C14orf132: variants seen among roughly 807,000 people sequenced by gnomAD.
C14orf132 encodes chromosome 14 open reading frame 132.
In C14orf132, 6 loss-of-function variants were observed where a neutral mutation model predicts 5.8. The observed-to-expected ratio is 1.03, with a 90% CI of 0.57 to 2.04. The LOEUF (loss-of-function observed/expected upper bound fraction) is 2.04. Ranked by LOEUF, C14orf132 falls within the 30% of genes most tolerant of loss-of-function variation. The pLI, the probability that C14orf132 is intolerant of heterozygous loss-of-function variation, is 0.00. For missense variants in C14orf132, 125 were observed against 115.8 expected, an observed-to-expected ratio of 1.08 and a Z score of -0.37; for synonymous variants, 51 against 49.8, an observed-to-expected ratio of 1.02 and a Z score of -0.10.
intron 1 of C14orf132, among the ~76,000 whole-genome samples, chr14:96,058,779 T>G (rs1887258300): frequency 6.6e-6 from 1 of 152,188 alleles, no homozygotes. Context: ...AGGTGCCTCC[T>G]ACAGCATTGC....
chr14:96,069,256 CATATATATATATATATATATATATATAT>C (rs55648129), intron 1 of C14orf132, among the ~76,000 whole-genome samples: 43,052 of 95,632 alleles, frequency 0.45, 8,704 homozygotes, highest in Middle Eastern at 0.55. Context: ...TGTTTATGTT[CATATATATATATATATATATATATATAT>C]ATATATATAT....
rs74086068 is a variant in C14orf132 at position 96,080,644 on chromosome 14, G to A, written c.28-5867G>A. On this transcript the variant is annotated intron_variant, in intron 1 of 1. Transcript: ENST00000555004. ...TATATAACGGTCACCTCCTTAGTAG[G>A]AACAGGTGGAGGCCTAAAGGCCACC... Among the ~76,000 whole-genome samples the A allele has an allele frequency of 6.1e-3, 922 of 152,318 alleles. 6 individuals carry two copies. Among genetic ancestry groups the A allele is most frequent in the African/African-American group, 0.021 (886 of 41,558 alleles).
Position 96,081,349 on chromosome 14 carries a change from A to C in C14orf132, c.28-5162A>C, listed in dbSNP as rs181437438. On this transcript the variant is annotated intron_variant, in intron 1 of 1. Coordinates refer to ENST00000555004, the MANE Select transcript of C14orf132 (RefSeq NM_001252507.3). ...TTATTTCCTCTGTTTTTAACTGAGA[A>C]ACCTCTGCCTCAGAGAGATTAAGAA... 3.5e-3 allele frequency among the ~76,000 whole-genome samples: 537 copies of C among 152,298 alleles called. 3 individuals carry two copies. The highest frequency in any genetic ancestry group is 0.017 in the Middle Eastern group (5 of 294).
At chr14:96,075,226 A>C (rs1444973715) in intron 1 of C14orf132, among the ~76,000 whole-genome samples, 1 of 152,156 alleles carries the variant, frequency 6.6e-6, no homozygotes, top group Non-Finnish European at 1.5e-5. Context: ...GAGTGTGGAA[A>C]CACAATTGAT....
At chr14:96,063,827 C>T (rs1218662627) in intron 1 of C14orf132, among the ~76,000 whole-genome samples, 1 of 152,068 alleles carries the variant, frequency 6.6e-6, no homozygotes, top group Non-Finnish European at 1.5e-5. Flanking sequence ...ATACATCTGA[C>T]AAAGGACTAA....
chr14:96,080,083 T>C (rs1366735326), intron 1 of C14orf132, among the ~76,000 whole-genome samples: 1 of 152,226 alleles, frequency 6.6e-6, no homozygotes, highest in African/African-American at 2.4e-5. Flanking sequence ...GAGAATTTTA[T>C]TGAAGGGTTT....
intron 1 of C14orf132, among the ~76,000 whole-genome samples, chr14:96,066,041 C>G (rs956717106): frequency 6.6e-6 from 1 of 152,180 alleles, no homozygotes; most frequent in East Asian, 1.9e-4. Context: ...GCCTCCTCCC[C>G]CTTATCCCCA....
chr14:96,049,674 T>A (rs1274815587), intron 1 of C14orf132, among the ~76,000 whole-genome samples: 46 of 96,978 alleles, frequency 4.7e-4, no homozygotes, highest in Non-Finnish European at 5.0e-4. Flanking sequence ...AGAGAGAGAG[T>A]TCTGTCTTCT....
rs966788474 is a variant in C14orf132 at position 96,067,818 on chromosome 14, G to A, written c.28-18693G>A. ...CCACCAGCTTAGGTGCTCTTTGAGG[G>A]AAGAAAGCAGCCCTCTTTGTCCTGC... is the stretch of plus-strand genomic sequence containing the variant. On this transcript the variant is annotated intron_variant, in intron 1 of 1. Coordinates refer to ENST00000555004, the MANE Select transcript of C14orf132 (RefSeq NM_001252507.3). 1.1e-4 allele frequency among the ~76,000 whole-genome samples: 16 copies of A among 152,254 alleles called. 1 individual carries two copies. The highest frequency in any genetic ancestry group is 9.2e-4 in the Admixed American group (14 of 15,294).
At chr14:96,086,366 A>T (rs1888184473) in intron 1 of C14orf132, 145 bp from the exon 2 acceptor site, 1 of 696,414 alleles carries the variant, frequency 1.4e-6, no homozygotes, top group African/African-American at 1.8e-5. Flanking sequence ...CAATGATAAA[A>T]CCACAAAAGC....
chr14:96,066,391 C>G (rs1595180279), intron 1 of C14orf132, among the ~76,000 whole-genome samples: 1 of 152,170 alleles, frequency 6.6e-6, no homozygotes, highest in African/African-American at 2.4e-5. Context: ...GCAACACTTT[C>G]AGAAGCGGTG....
chr14:96,050,871 G>A (rs904122900), intron 1 of C14orf132, among the ~76,000 whole-genome samples: 6 of 152,108 alleles, frequency 3.9e-5, no homozygotes, highest in Non-Finnish European at 7.4e-5. Context: ...TTTCAGTTGG[G>A]AGGGTAAATC....
intron 1 of C14orf132, among the ~76,000 whole-genome samples, chr14:96,050,839 A>AT (rs1595170288): frequency 6.6e-6 from 1 of 151,292 alleles, no homozygotes; most frequent in East Asian, 2.0e-4. Context: ...ATTTTCATGT[A>AT]TTTTATCTGG....
intron 1 of C14orf132, among the ~76,000 whole-genome samples, chr14:96,077,086 A>G (rs1423793986): frequency 6.6e-6 from 1 of 152,200 alleles, no homozygotes; most frequent in African/African-American, 2.4e-5. Flanking sequence ...CCTGGTGACT[A>G]TTTCACGTGC....
At chr14:96,082,845 T>C (rs1474300360) in intron 1 of C14orf132, among the ~76,000 whole-genome samples, 3 of 152,252 alleles carry the variant, frequency 2.0e-5, no homozygotes, top group Non-Finnish European at 4.4e-5. Context: ...TCTTATTCAC[T>C]GCTTGCAACA....
intron 1 of C14orf132, among the ~76,000 whole-genome samples, chr14:96,064,758 A>G (rs1056991774): frequency 2.7e-4 from 41 of 152,100 alleles, no homozygotes; most frequent in African/African-American, 9.4e-4. Flanking sequence ...AAATCTCACA[A>G]ATCACCACTA....
intron 1 of C14orf132, among the ~76,000 whole-genome samples, chr14:96,041,741 G>T (rs573146056): frequency 6.6e-5 from 10 of 152,372 alleles, no homozygotes; most frequent in Admixed American, 3.3e-4. Flanking sequence ...GCAGTTTGCA[G>T]CGAAATGTTG....
intron 1 of C14orf132, among the ~76,000 whole-genome samples, chr14:96,049,465 T>C (rs1323442554): frequency 6.8e-6 from 1 of 147,450 alleles, no homozygotes; most frequent in Non-Finnish European, 1.5e-5. Flanking sequence ...CTCAGCTATA[T>C]ATATATATGT....
chr14:96,070,392 C>T (rs1391843268), intron 1 of C14orf132, among the ~76,000 whole-genome samples: 1 of 152,186 alleles, frequency 6.6e-6, no homozygotes. Flanking sequence ...TTACCTATCA[C>T]CGCCTCATTC....
Sources: gnomAD v4.1 joint callset for allele counts (sites outside exome capture counted in the v4.1 genomes callset) on GRCh38, gnomAD v4.1.1 for gene constraint, MANE v1.5 for transcripts, NCBI Gene and HGNC (gene_info 2026-07-23, HGNC 2026-07-21) for gene names.